RBFOX1: variants seen among roughly 807,000 people sequenced by gnomAD.
RBFOX1 encodes the protein RNA binding protein fox-1 homolog 1.
A neutral mutation model predicts 57.7 loss-of-function variants in RBFOX1; 8 were observed. The observed-to-expected ratio is 0.14, with a 90% CI of 0.08 to 0.25. The LOEUF (loss-of-function observed/expected upper bound fraction) is 0.25, where lower values mean the gene tolerates loss of function less well. Among genes scored for constraint, RBFOX1 ranks in the 10% least tolerant of loss-of-function variants. The pLI is 1.00. For missense variants in RBFOX1, 611 were observed against 548.5 expected (o/e 1.11, Z -1.14); for synonymous variants, 326 against 222.4 (o/e 1.47, Z -4.15).
At chr16:6,989,003 T>C (rs1384974855) in intron 3 of RBFOX1, among the ~76,000 whole-genome samples, 1 of 152,022 alleles carries the variant, frequency 6.6e-6, no homozygotes, top group Non-Finnish European at 1.5e-5. Flanking sequence ...CCTGAGGTGA[T>C]CCACCCCCCT....
chr16:7,214,714 C>T (rs1051944321), intron 4 of RBFOX1, among the ~76,000 whole-genome samples: 2 of 152,050 alleles, frequency 1.3e-5, no homozygotes, highest in African/African-American at 4.8e-5. Context: ...CCGTATACTG[C>T]GCGATCTTTC....
chr16:6,059,596 TTAAA>T (rs35497589), intron 1 of RBFOX1, among the ~76,000 whole-genome samples: 2,684 of 152,242 alleles, frequency 0.018, 89 homozygotes, highest in African/African-American at 0.062. Flanking sequence ...ATGCATGTGT[TTAAA>T]TGGGTTCTCT....
chr16:7,017,418 G>T (rs867273251), intron 3 of RBFOX1, among the ~76,000 whole-genome samples: 10 of 152,284 alleles, frequency 6.6e-5, no homozygotes, highest in Middle Eastern at 6.8e-3. Flanking sequence ...ATCAGAGAAT[G>T]AGATAAATCT....
At chr16:6,695,517 T>C (rs1472930259) in intron 3 of RBFOX1, among the ~76,000 whole-genome samples, 4 of 152,022 alleles carry the variant, frequency 2.6e-5, no homozygotes, top group Admixed American at 2.0e-4. Context: ...CAAGTTTCTT[T>C]AAGATTTCTT....
chr16:6,132,855 C>T (rs956484598), intron 1 of RBFOX1, among the ~76,000 whole-genome samples: 7 of 151,524 alleles, frequency 4.6e-5, no homozygotes, highest in Non-Finnish European at 8.8e-5. Flanking sequence ...GGCATGGTGG[C>T]GCATGCCTGT....
intron 13 of RBFOX1, among the ~76,000 whole-genome samples, chr16:7,671,784 T>TATCA (rs2071527372): frequency 1.3e-5 from 2 of 152,210 alleles, no homozygotes; most frequent in South Asian, 2.1e-4. Context: ...TCCCTGTATC[T>TATCA]ATCAGTATAT....
chr16:5,677,797 T>G (rs982834966), intron 3 of RBFOX1, among the ~76,000 whole-genome samples: 3 of 152,268 alleles, frequency 2.0e-5, no homozygotes, highest in African/African-American at 7.2e-5. Flanking sequence ...AAAGGCTTGG[T>G]GGTGAAGCAA....
chr16:5,424,957 T>G (rs2067490844), intron 1 of RBFOX1, among the ~76,000 whole-genome samples: 1 of 73,986 alleles, frequency 1.4e-5, no homozygotes, highest in Non-Finnish European at 2.5e-5. Flanking sequence ...TCTTCCTTTG[T>G]TTCTTTCTCT....
At chr16:7,148,557 A>G (rs1455008520) in intron 4 of RBFOX1, among the ~76,000 whole-genome samples, 1 of 152,238 alleles carries the variant, frequency 6.6e-6, no homozygotes, top group African/African-American at 2.4e-5. Context: ...AACAGACAAC[A>G]TAGCTGTTTG....
chr16:5,904,056 G>A (rs181537095), intron 4 of RBFOX1, among the ~76,000 whole-genome samples: 103 of 152,228 alleles, frequency 6.8e-4, no homozygotes, highest in Non-Finnish European at 6.9e-4. Context: ...GGAGCTTCCC[G>A]AAAAGGCCAG....
At chr16:6,640,100 A>T (rs1042314032) in intron 2 of RBFOX1, among the ~76,000 whole-genome samples, 2 of 152,182 alleles carry the variant, frequency 1.3e-5, no homozygotes, top group African/African-American at 4.8e-5. Context: ...TGGTAGAGTC[A>T]GGATTTTAAA....
At chr16:7,478,337 G>C (rs2151131989) in intron 4 of RBFOX1, among the ~76,000 whole-genome samples, 1 of 152,234 alleles carries the variant, frequency 6.6e-6, no homozygotes, top group East Asian at 1.9e-4. Flanking sequence ...GAGGAAGATA[G>C]ACTTTACTCC....
At chr16:5,636,859 A>G (rs1319936989) in intron 3 of RBFOX1, among the ~76,000 whole-genome samples, 1 of 152,080 alleles carries the variant, frequency 6.6e-6, no homozygotes, top group African/African-American at 2.4e-5. Context: ...CATTCTCAAA[A>G]CCCACAAATT....
chr16:6,133,117 G>C (rs930226513), intron 1 of RBFOX1, among the ~76,000 whole-genome samples: 2 of 151,804 alleles, frequency 1.3e-5, no homozygotes, highest in Non-Finnish European at 2.9e-5. Context: ...GTCTTCTCTG[G>C]AGGTATCTGG....
chr16:6,441,922 C>G (rs2094391468), intron 2 of RBFOX1, among the ~76,000 whole-genome samples: 1 of 152,132 alleles, frequency 6.6e-6, no homozygotes, highest in African/African-American at 2.4e-5. Context: ...GCGGGAGGGT[C>G]TTCCTAATTT....
intron 2 of RBFOX1, among the ~76,000 whole-genome samples, chr16:5,539,744 T>A (rs956389459): frequency 6.6e-6 from 1 of 152,204 alleles, no homozygotes; most frequent in African/African-American, 2.4e-5. Context: ...TGTGTTCTCA[T>A]GTTGGGCCAT....
At chr16:7,060,924 G>C (rs2054044203) in intron 4 of RBFOX1, among the ~76,000 whole-genome samples, 1 of 152,152 alleles carries the variant, frequency 6.6e-6, no homozygotes, top group South Asian at 2.1e-4. Flanking sequence ...GATTAGCTCA[G>C]GGGTTAGCAG....
chr16:5,425,423 C>T (rs1028300971), intron 1 of RBFOX1, among the ~76,000 whole-genome samples: 1 of 152,082 alleles, frequency 6.6e-6, no homozygotes, highest in Non-Finnish European at 1.5e-5. Flanking sequence ...GTTTTCTATG[C>T]TAAGTCCCCA....
chr16:5,417,489 A>G (rs189792911), intron 1 of RBFOX1, among the ~76,000 whole-genome samples: 1 of 152,212 alleles, frequency 6.6e-6, no homozygotes, highest in East Asian at 1.9e-4. Flanking sequence ...GGTGGTGTAG[A>G]TAAGGTGCCC....
Sources: allele counts gnomAD v4.1 joint callset (sites outside exome capture counted in the v4.1 genomes callset), GRCh38; gene constraint gnomAD v4.1.1; transcripts MANE v1.5; gene names NCBI Gene and HGNC (gene_info 2026-07-23, HGNC 2026-07-21).